ADAM32: variants seen among roughly 807,000 people sequenced by gnomAD.
ADAM32 encodes the protein ADAM metallopeptidase domain 32, also known as disintegrin and metalloproteinase domain-containing protein 32.
ADAM32 carries 89 observed loss-of-function variants against 114.9 expected under a neutral mutation model. That is an observed-to-expected ratio of 0.77 (90% CI 0.65 to 0.92). The LOEUF (loss-of-function observed/expected upper bound fraction) is 0.92. Ranked by LOEUF, ADAM32 falls within the 40% of genes least tolerant of loss-of-function variation. ADAM32 has a pLI of 0.00. For synonymous variants in ADAM32, 285 were observed against 307.5 expected (o/e 0.93, Z 0.77); for missense variants, 870 against 932.8 (o/e 0.93, Z 0.88).
At chr8:39,243,735 A>G (rs996937392) in intron 16 of ADAM32, among the ~76,000 whole-genome samples, 1 of 152,148 alleles carries the variant, frequency 6.6e-6, no homozygotes, top group Non-Finnish European at 1.5e-5. Flanking sequence ...AAGGATGCCC[A>G]TTTTCATCAC....
intron 2 of ADAM32, among the ~76,000 whole-genome samples, chr8:39,125,662 G>A (rs1489086161): frequency 1.3e-5 from 2 of 152,154 alleles, no homozygotes; most frequent in East Asian, 3.8e-4. Context: ...TTGCCCCACA[G>A]AAGCTTTTTA....
intron 3 of ADAM32, among the ~76,000 whole-genome samples, chr8:39,141,419 C>T (rs1373602786): frequency 6.6e-6 from 1 of 152,192 alleles, no homozygotes; most frequent in Non-Finnish European, 1.5e-5. Context: ...CAAAGAACAT[C>T]TTTATTTCTC....
intron 10 of ADAM32, among the ~76,000 whole-genome samples, chr8:39,173,504 A>G (rs2129446567): frequency 6.7e-6 from 1 of 149,668 alleles, no homozygotes; most frequent in East Asian, 2.0e-4. Context: ...TCCTTTGTCC[A>G]CTTTTTAATT....
intron 13 of ADAM32, among the ~76,000 whole-genome samples, chr8:39,222,397 A>G (rs1186221364): frequency 2.0e-5 from 3 of 152,080 alleles, no homozygotes; most frequent in African/African-American, 4.8e-5. Context: ...TTGCATTCTT[A>G]CTTCTGTAAT....
chr8:39,112,823 C>G (rs1840221659), intron 1 of ADAM32, among the ~76,000 whole-genome samples: 1 of 152,156 alleles, frequency 6.6e-6, no homozygotes, highest in Non-Finnish European at 1.5e-5. Flanking sequence ...ATGTGGGCAT[C>G]AATAATTAAC....
rs570846933 is a variant in ADAM32 at position 39,283,824 on chromosome 8, A to G, written c.2357+200A>G. 2.0e-3 allele frequency among the ~76,000 whole-genome samples: 270 copies of G among 135,492 alleles called. 1 individual carries two copies. Among genetic ancestry groups the G allele is most frequent in the Admixed American group, 1.4e-3 (17 of 11,922 alleles). 88.9% of individuals were successfully genotyped at this position (135,492 alleles called of 152,430 possible). A position where few individuals can be genotyped will look rare whatever the true frequency, so the allele number is the denominator to read the frequency against. ...AGTCTTGCTCTGTCGACCAGGCTGGAGTGCAATGGTGCGATCTCAGCTCAC... is the reference window on the plus strand; with the variant it reads ...AGTCTTGCTCTGTCGACCAGGCTGGGGTGCAATGGTGCGATCTCAGCTCAC... On this transcript the variant is annotated intron_variant, in intron 24 of 24. Transcript: ENST00000379907.
intron 17 of ADAM32, among the ~76,000 whole-genome samples, chr8:39,247,847 C>T (rs778561949): frequency 1.3e-5 from 2 of 151,232 alleles, no homozygotes; most frequent in Non-Finnish European, 2.9e-5. Context: ...AGGCCTATGA[C>T]CCATTCTGGA....
At chr8:39,175,961 T>C (rs1805500988) in intron 10 of ADAM32, among the ~76,000 whole-genome samples, 1 of 152,206 alleles carries the variant, frequency 6.6e-6, no homozygotes. Flanking sequence ...ATTTTCTAGT[T>C]TACGTGCATA....
chr8:39,264,353 T>G (rs1812224854), intron 19 of ADAM32, among the ~76,000 whole-genome samples: 1 of 152,208 alleles, frequency 6.6e-6, no homozygotes, highest in Admixed American at 6.5e-5. Flanking sequence ...ATAGAGGTGT[T>G]TGTAATAGTT....
chr8:39,273,008 A>G (rs1157335653), intron 20 of ADAM32, among the ~76,000 whole-genome samples: 3 of 152,082 alleles, frequency 2.0e-5, no homozygotes, highest in Non-Finnish European at 4.4e-5. Context: ...TGCAGGGTCA[A>G]GACAGCCAAT....
At position 39,181,361 on chromosome 8, in the gene ADAM32, C is replaced by G. The variant is rs566900104; in HGVS notation, c.916-5548C>G. Among the ~76,000 whole-genome samples the G allele has an allele frequency of 2.2e-4, 33 of 152,274 alleles. 1 individual carries two copies. In the South Asian group the frequency reaches 6.6e-3, roughly 31 times the overall value. On this transcript the variant is annotated intron_variant, in intron 10 of 24. Transcript: ENST00000379907. ...CTCACTGCGAACGTCTGCAGCTTCA[C>G]TCCTGAGCCAGCGAGACCACGAACC...
At chr8:39,224,304 G>C (rs1809193421) in intron 14 of ADAM32, 1 of 152,114 alleles carries the variant, frequency 6.6e-6, no homozygotes, top group Non-Finnish European at 1.5e-5. Flanking sequence ...GTTGGGATTG[G>C]TGAATCATAA....
intron 7 of ADAM32, among the ~76,000 whole-genome samples, chr8:39,162,629 T>C (rs1456814388): frequency 6.6e-6 from 1 of 152,190 alleles, no homozygotes; most frequent in Admixed American, 6.5e-5. Flanking sequence ...TGATTCCAAA[T>C]TGCCAGGTTT....
intron 1 of ADAM32, among the ~76,000 whole-genome samples, chr8:39,116,764 T>C (rs1307554719): frequency 1.3e-5 from 2 of 152,182 alleles, no homozygotes; most frequent in Non-Finnish European, 2.9e-5. Context: ...CTAGGACTTC[T>C]AGCGCTATGT....
chr8:39,250,334 T>A (rs1003949244), intron 17 of ADAM32, among the ~76,000 whole-genome samples: 1 of 151,874 alleles, frequency 6.6e-6, no homozygotes, highest in Non-Finnish European at 1.5e-5. Context: ...CAGAGATCTT[T>A]TCTCATCTCA....
intron 7 of ADAM32, among the ~76,000 whole-genome samples, chr8:39,162,477 G>T (rs546701696): frequency 6.6e-6 from 1 of 152,144 alleles, no homozygotes; most frequent in East Asian, 1.9e-4. Flanking sequence ...ACATACGTGT[G>T]CATGTGTCTT....
intron 6 of ADAM32, among the ~76,000 whole-genome samples, chr8:39,154,627 A>T (rs957330095): frequency 2.6e-5 from 4 of 152,188 alleles, no homozygotes; most frequent in African/African-American, 9.7e-5. Flanking sequence ...TGTCTTTCAC[A>T]ATGGTTGAAC....
chr8:39,277,514 C>T (rs189494739), intron 22 of ADAM32, among the ~76,000 whole-genome samples: 125 of 152,294 alleles, frequency 8.2e-4, no homozygotes, highest in Middle Eastern at 3.4e-3. Flanking sequence ...TTTCCCTGAC[C>T]CCTTCAGGGG....
chr8:39,133,579 C>G (rs1381409535), intron 2 of ADAM32, among the ~76,000 whole-genome samples: 2 of 152,178 alleles, frequency 1.3e-5, no homozygotes, highest in Non-Finnish European at 2.9e-5. Context: ...TGGGCCAGTC[C>G]TCAGGCTGTC....
Sources: gnomAD v4.1 joint callset for allele counts (sites outside exome capture counted in the v4.1 genomes callset) on GRCh38, gnomAD v4.1.1 for gene constraint, MANE v1.5 for transcripts, NCBI Gene and HGNC (gene_info 2026-07-23, HGNC 2026-07-21) for gene names.